Variants in NRP1 observed in about 807,000 individuals in gnomAD.
NRP1 encodes the protein neuropilin-1.
In NRP1, 35 loss-of-function variants were observed where a neutral mutation model predicts 106.7. That is an observed-to-expected ratio of 0.33 (90% CI 0.25 to 0.43). The LOEUF (loss-of-function observed/expected upper bound fraction) is 0.43, where lower values mean the gene tolerates loss of function less well. NRP1 is among the 20% of genes least tolerant of loss of function. The probability of loss-of-function intolerance (pLI) is 1.00; values close to 1 mark genes in which losing one functional copy is unlikely to be tolerated. For synonymous variants in NRP1, 437 were observed against 417.9 expected, an observed-to-expected ratio of 1.05 and a Z score of -0.56; for missense variants, 1,024 against 1,170.4, an observed-to-expected ratio of 0.87 and a Z score of 1.83.
intron 11 of NRP1, chr10:33,200,910 T>A (rs1242690541): frequency 1.3e-5 from 2 of 152,224 alleles, no homozygotes; most frequent in Non-Finnish European, 2.9e-5. Flanking sequence ...AAATGGCTTC[T>A]TCTTGATGGA....
chr10:33,292,846 G>C (rs1845100370), intron 2 of NRP1, among the ~76,000 whole-genome samples: 2 of 151,982 alleles, frequency 1.3e-5, no homozygotes, highest in Admixed American at 1.3e-4. Flanking sequence ...AAATTAGCTG[G>C]GTGTGGTGGC....
At position 33,278,138 on chromosome 10, in the gene NRP1, AT is replaced by A. The variant is rs144809257; in HGVS notation, c.249-7283del. On this transcript the variant is annotated intron_variant, in intron 2 of 16. Coordinates refer to ENST00000374867, the MANE Select transcript of NRP1 (RefSeq NM_003873.7). ...GTCGACACTGTCAGGGTGTAAGGTG[AT>A]TTTTTTTTTCTGTTGGGGCAAGCAC... Among the ~76,000 whole-genome samples the A allele has an allele frequency of 2.3e-3, 351 of 150,374 alleles. 3 individuals are homozygous for A. The highest frequency in any genetic ancestry group is 6.9e-3 in the African/African-American group (285 of 41,010).
At chr10:33,326,609 C>A (rs958288639) in intron 2 of NRP1, among the ~76,000 whole-genome samples, 1 of 152,120 alleles carries the variant, frequency 6.6e-6, no homozygotes, top group African/African-American at 2.4e-5. Context: ...GTCTGTTGAT[C>A]GACTGATTTA....
At chr10:33,311,324 C>T (rs1337323177) in intron 2 of NRP1, among the ~76,000 whole-genome samples, 4 of 152,106 alleles carry the variant, frequency 2.6e-5, no homozygotes, top group South Asian at 2.1e-4. Flanking sequence ...TTTTTATATG[C>T]GTCTTGTTTA....
intron 11 of NRP1, 143 bp downstream of exon 11, chr10:33,202,748 T>C (rs1837438011): frequency 6.4e-7 from 1 of 1,563,740 alleles, no homozygotes; most frequent in Non-Finnish European, 8.7e-7. Context: ...GAAATGAAGA[T>C]GCACGTGTTC....
chr10:33,180,227 A>G lies in NRP1; in HGVS notation c.2621T>C (p.Val874Ala). 6.2e-7 allele frequency: 1 copy of G among 1,614,136 alleles called. No homozygotes were observed. The highest frequency in any genetic ancestry group is 1.7e-5 in the Admixed American group (1 of 60,008). ...GGCACAGTACAGCACGACCCCACAG[A>G]CAGCCCCCAGGAGGACCCCCAGGGC... Reference protein sequence around the residue: ...MSALGVLLGAVCGVVLYCACW... With the variant: ...MSALGVLLGAACGVVLYCACW... The change falls in exon 17 of 17, where the codon GTC becomes GCC. Residue 874 changes from valine (V) to alanine (A), a missense_variant. Coordinates refer to ENST00000374867, the MANE Select transcript of NRP1 (RefSeq NM_003873.7).
intron 2 of NRP1, among the ~76,000 whole-genome samples, chr10:33,309,849 A>G (rs901032681): frequency 3.3e-5 from 5 of 152,100 alleles, no homozygotes; most frequent in Non-Finnish European, 7.3e-5. Context: ...AGCTTTGCCC[A>G]GTTTCCCGTT....
chr10:33,221,829 A>C lies in NRP1; in HGVS notation c.1172T>G (p.Val391Gly). The change falls in exon 8 of 17, where the codon GTG (valine) becomes GGG (glycine). Residue 391 changes from valine (V) to glycine (G), a missense_variant. Transcript: ENST00000374867. The part of the protein sequence containing the change: ...FQGNTNPTDV[V>G]VAVFPKPLIT... ...CAGTGGTTTGGGGAATACTGCAACC[A>C]CAACATCTGTGGGGTTGGTGTTTCC... The C allele has an allele frequency of 1.9e-6, 3 of 1,614,066 alleles. No individual in the cohort carries two copies. The highest frequency in any genetic ancestry group is 2.5e-6 in the Non-Finnish European group (3 of 1,179,948).
intron 10 of NRP1, chr10:33,206,400 C>T (rs1259398233): frequency 4.0e-6 from 2 of 498,054 alleles, no homozygotes; most frequent in East Asian, 5.5e-5. Flanking sequence ...ATGGAAACAA[C>T]CACACGGTGA....
At chr10:33,330,583 GCTGAGA>G (rs2132968824) in intron 2 of NRP1, 119 bp downstream of exon 2, 1 of 664,404 alleles carries the variant, frequency 1.5e-6, no homozygotes, top group East Asian at 3.2e-5. Context: ...ATATAATCTG[GCTGAGA>G]TTGGAATCCC....
chr10:33,220,900 C>CAAAAAAAAAAAAAAAAAAAAAAA (rs35895871), intron 8 of NRP1, among the ~76,000 whole-genome samples: 9 of 60,654 alleles, frequency 1.5e-4, no homozygotes, highest in Non-Finnish European at 2.3e-4. Context: ...GGCTCAGTCT[C>CAAAAAAAAAAAAAAAAAAAAAAA]AAAAAAAAAA....
chr10:33,209,524 T>C (rs1838103044), intron 9 of NRP1, among the ~76,000 whole-genome samples: 1 of 152,230 alleles, frequency 6.6e-6, no homozygotes, highest in African/African-American at 2.4e-5. Flanking sequence ...TCACCAAGGC[T>C]GGAGTGCAGT....
At position 33,199,367 on chromosome 10, in the gene NRP1, CTATATATA is replaced by C. The variant is rs1413431395; in HGVS notation, c.1865-1666_1865-1659del. On this transcript the variant is annotated intron_variant, in intron 11 of 16. Coordinates refer to ENST00000374867, the MANE Select transcript of NRP1 (RefSeq NM_003873.7). ...GTGCGCCACCATGCCTGGCTGTTTT[CTATATATA>C]TATATATATATATATTTTTTTTTTT... Among the ~76,000 whole-genome samples, 15 of 54,294 alleles carry C rather than the reference CTATATATA, an allele frequency of 2.8e-4. 1 individual carries two copies. The highest frequency in any genetic ancestry group is 1.1e-3 in the East Asian group (1 of 952). The allele number at this position is 54,294 out of a possible 152,430, so 35.6% of individuals were successfully genotyped here.
intron 6 of NRP1, among the ~76,000 whole-genome samples, chr10:33,237,487 G>GCACACACACA (rs111698441): frequency 1.5e-4 from 22 of 144,758 alleles, no homozygotes; most frequent in Non-Finnish European, 2.6e-4. Flanking sequence ...ACATGCGCGC[G>GCACACACACA]CACACACACA....
intron 4 of NRP1, among the ~76,000 whole-genome samples, chr10:33,261,597 C>T (rs994731618): frequency 6.6e-6 from 1 of 152,112 alleles, no homozygotes; most frequent in Non-Finnish European, 1.5e-5. Context: ...TGTTAACTCA[C>T]CCATTTATTC....
intron 1 of NRP1, among the ~76,000 whole-genome samples, chr10:33,331,969 A>G (rs933792374): frequency 6.6e-6 from 1 of 152,194 alleles, no homozygotes; most frequent in East Asian, 1.9e-4. Context: ...AGATTTTAAC[A>G]CTGCATCTAA....
At chr10:33,260,628 C>A (rs1032069937) in intron 4 of NRP1, among the ~76,000 whole-genome samples, 41 of 152,192 alleles carry the variant, frequency 2.7e-4, no homozygotes, top group African/African-American at 9.4e-4. Context: ...TGGTCTTAGC[C>A]CATATGTAAA....
chr10:33,210,884 G>T (rs888211612), intron 9 of NRP1, among the ~76,000 whole-genome samples: 1 of 152,098 alleles, frequency 6.6e-6, no homozygotes, highest in African/African-American at 2.4e-5. Flanking sequence ...ACCATGTGCC[G>T]CTCTAAAATG....
At chr10:33,285,216 G>A (rs1844430027) in intron 2 of NRP1, among the ~76,000 whole-genome samples, 1 of 152,194 alleles carries the variant, frequency 6.6e-6, no homozygotes, top group Non-Finnish European at 1.5e-5. Flanking sequence ...CTCCCTGAGA[G>A]CAGGAATCAA....
Sources: gnomAD v4.1 joint callset for allele counts (sites outside exome capture counted in the v4.1 genomes callset) on GRCh38, gnomAD v4.1.1 for gene constraint, MANE v1.5 for transcripts, NCBI Gene and HGNC (gene_info 2026-07-23, HGNC 2026-07-21) for gene names.